The following NCKAP5 variants were observed in gnomAD, a reference collection of about 807,000 sequenced individuals.
NCKAP5 encodes the protein nck-associated protein 5.
A neutral mutation model predicts 167.0 loss-of-function variants in NCKAP5; 92 were observed. That is an observed-to-expected ratio of 0.55 (90% CI 0.47 to 0.66). The LOEUF is 0.66. Ranked by LOEUF, NCKAP5 falls within the 30% of genes least tolerant of loss-of-function variation. The pLI, the probability that NCKAP5 is intolerant of heterozygous loss-of-function variation, is 0.00. For missense variants in NCKAP5, 2,378 were observed against 2,315.0 expected, an observed-to-expected ratio of 1.03 and a Z score of -0.56; for synonymous variants, 891 against 877.4, an observed-to-expected ratio of 1.02 and a Z score of -0.27.
chr2:133,078,674 C>G (rs1471092728), intron 6 of NCKAP5, among the ~76,000 whole-genome samples: 2 of 152,108 alleles, frequency 1.3e-5, no homozygotes, highest in East Asian at 3.9e-4. Flanking sequence ...ACTAATCACT[C>G]CTCCTATTTA....
rs541475762 is a variant in NCKAP5, at chr2:133,200,322, C to T, written c.207+13394G>A. Reference sequence around the variant, plus strand: ...TTCAAAGTTCAGAAACAAACCTTCACGTTCATGTTAACTGATTTTTAAAAA... The same window carrying T: ...TTCAAAGTTCAGAAACAAACCTTCATGTTCATGTTAACTGATTTTTAAAAA... On this transcript the variant is annotated intron_variant, in intron 5 of 19. Transcript: ENST00000409261. Among the ~76,000 whole-genome samples the T allele has an allele frequency of 5.3e-5, 8 of 152,030 alleles. No homozygotes were observed. The East Asian group carries it at 5.8e-4, about 11-fold the overall frequency.
At chr2:132,693,905 T>C (rs1319525099) in intron 19 of NCKAP5, among the ~76,000 whole-genome samples, 1 of 151,982 alleles carries the variant, frequency 6.6e-6, no homozygotes, top group East Asian at 1.9e-4. Context: ...ATTACATGCA[T>C]GAGCCACCGC....
At chr2:133,541,595 A>G (rs1007930311) in intron 2 of NCKAP5, among the ~76,000 whole-genome samples, 1 of 152,166 alleles carries the variant, frequency 6.6e-6, no homozygotes, top group Non-Finnish European at 1.5e-5. Flanking sequence ...CAAAGAAAGC[A>G]TCATAAGCAT....
At chr2:133,229,589 A>G (rs2087049299) in intron 4 of NCKAP5, among the ~76,000 whole-genome samples, 1 of 152,152 alleles carries the variant, frequency 6.6e-6, no homozygotes, top group South Asian at 2.1e-4. Context: ...TACCCCAACC[A>G]TGACGTAGGT....
chr2:132,923,403 C>T (rs1246414766), intron 8 of NCKAP5, among the ~76,000 whole-genome samples: 1 of 152,120 alleles, frequency 6.6e-6, no homozygotes, highest in Non-Finnish European at 1.5e-5. Flanking sequence ...CAGAGAGGCA[C>T]CAGATTGCCA....
At chr2:133,026,323 G>C (rs1179087025) in intron 6 of NCKAP5, among the ~76,000 whole-genome samples, 2 of 151,058 alleles carry the variant, frequency 1.3e-5, no homozygotes, top group Non-Finnish European at 2.9e-5. Flanking sequence ...TTGCTGAGTA[G>C]CACATATTCT....
the NCKAP5 span, among the ~76,000 whole-genome samples, chr2:133,594,937 T>C: frequency 6.6e-6 from 1 of 152,130 alleles, no homozygotes; most frequent in African/African-American, 2.4e-5. Flanking sequence ...TTAAGTTAAA[T>C]GAGACAACAT....
At chr2:133,326,945 C>T (rs1220704374) in intron 3 of NCKAP5, among the ~76,000 whole-genome samples, 1 of 152,228 alleles carries the variant, frequency 6.6e-6, no homozygotes, top group Non-Finnish European at 1.5e-5. Flanking sequence ...GCAACTGCTG[C>T]TGCTGCTGCT....
At chr2:132,899,183 G>A (rs988815848) in intron 8 of NCKAP5, among the ~76,000 whole-genome samples, 4 of 152,196 alleles carry the variant, frequency 2.6e-5, no homozygotes, top group African/African-American at 9.7e-5. Flanking sequence ...GTTTCACCTT[G>A]CACTTTCATG....
intron 19 of NCKAP5, among the ~76,000 whole-genome samples, chr2:132,723,661 G>T (rs1690171523): frequency 6.6e-6 from 1 of 152,166 alleles, no homozygotes. Context: ...ACTTGCACTG[G>T]CTGCGTTTCA....
rs537313174 is a variant in NCKAP5, at chr2:132,722,907, C to T, written c.5713+2720G>A. ...CATGGCTCACTGTAGCCTCAAATTC[C>T]AGGGCTCAAGCAAGCCTCCCACCTT... On this transcript the variant is annotated intron_variant, in intron 19 of 19. Transcript: ENST00000409261. Among the ~76,000 whole-genome samples, 31 of 152,090 alleles carry T rather than the reference C, an allele frequency of 2.0e-4. No individual in the cohort carries two copies. The South Asian group carries it at 6.5e-3, about 32-fold the overall frequency.
rs192969206 is a variant in NCKAP5, at chr2:133,392,716, T to C, written c.70-89606A>G. Reference sequence around the variant, plus strand: ...TTGAATAAATTTATTTTTGTTTCTATATCCATTTATCCAAGTCCATAGTTT... The same window carrying C: ...TTGAATAAATTTATTTTTGTTTCTACATCCATTTATCCAAGTCCATAGTTT... On this transcript the variant is annotated intron_variant, in intron 3 of 19. Coordinates refer to ENST00000409261, the MANE Select transcript of NCKAP5 (RefSeq NM_207363.3). 2.4e-4 allele frequency among the ~76,000 whole-genome samples: 37 copies of C among 152,332 alleles called. No individual in the cohort carries two copies. The East Asian group carries it at 6.4e-3, about 26-fold the overall frequency.
chr2:133,138,177 G>A (rs530458790), intron 5 of NCKAP5, among the ~76,000 whole-genome samples: 38 of 152,146 alleles, frequency 2.5e-4, no homozygotes, highest in Non-Finnish European at 5.0e-4. Flanking sequence ...AGAAAAAGAA[G>A]GGGGGGTACT....
the NCKAP5 span, among the ~76,000 whole-genome samples, chr2:133,618,133 C>T: frequency 1.3e-5 from 2 of 151,604 alleles, no homozygotes; most frequent in African/African-American, 4.8e-5. Context: ...CCCTTCCTTA[C>T]ACCTTATACA....
intron 6 of NCKAP5, among the ~76,000 whole-genome samples, chr2:133,021,390 T>C (rs1031588855): frequency 2.6e-5 from 4 of 151,984 alleles, no homozygotes; most frequent in African/African-American, 9.7e-5. Flanking sequence ...TGGGAAAAAA[T>C]AGATATTCTT....
At chr2:132,766,583 C>T (rs34847111) in intron 16 of NCKAP5, among the ~76,000 whole-genome samples, 51,159 of 152,034 alleles carry the variant, frequency 0.34, 9,343 homozygotes, top group East Asian at 0.48. Context: ...ATAACTACCA[C>T]TAGACATGTT....
At chr2:132,978,799 C>A (rs1442765518) in intron 7 of NCKAP5, among the ~76,000 whole-genome samples, 1 of 152,190 alleles carries the variant, frequency 6.6e-6, no homozygotes, top group African/African-American at 2.4e-5. Flanking sequence ...CCTGGATGAT[C>A]ACTTTATAGA....
chr2:132,747,882 T>C (rs866993423), intron 16 of NCKAP5, among the ~76,000 whole-genome samples: 6 of 152,166 alleles, frequency 3.9e-5, no homozygotes, highest in Non-Finnish European at 7.4e-5. Context: ...AGGATTTGGA[T>C]TGGGGCCTGT....
the NCKAP5 span, among the ~76,000 whole-genome samples, chr2:133,590,350 C>A: frequency 4.7e-5 from 1 of 21,120 alleles, no homozygotes; most frequent in Non-Finnish European, 7.3e-5. Flanking sequence ...CACGGTGAAA[C>A]CCCGTCTCTA....
Sources: gnomAD v4.1 joint callset for allele counts (sites outside exome capture counted in the v4.1 genomes callset) on GRCh38, gnomAD v4.1.1 for gene constraint, MANE v1.5 for transcripts, NCBI Gene and HGNC (gene_info 2026-07-23, HGNC 2026-07-21) for gene names.